The following STRBP variants were observed in gnomAD, a reference collection of about 807,000 sequenced individuals.
STRBP encodes spermatid perinuclear RNA-binding protein.
In STRBP, 13 loss-of-function variants were observed where a neutral mutation model predicts 80.1. That is an observed-to-expected ratio of 0.16 (90% confidence interval 0.11 to 0.26). The LOEUF (loss-of-function observed/expected upper bound fraction) is 0.26, where lower values mean the gene tolerates loss of function less well. Among genes scored for constraint, STRBP ranks in the 10% least tolerant of loss-of-function variants. STRBP has a pLI of 1.00. For missense variants in STRBP, 485 were observed against 815.2 expected (o/e 0.59, Z 4.93); for synonymous variants, 284 against 291.2 (o/e 0.98, Z 0.25).
rs2041328968 is a variant in STRBP at position 123,268,476 on chromosome 9, G to A, written c.-342C>T. 6.2e-6 allele frequency: 1 copy of A among 162,036 alleles called. No individual in the cohort carries two copies. Among genetic ancestry groups the A allele is most frequent in the Non-Finnish European group, 1.3e-5 (1 of 76,322 alleles). 10.0% of individuals were successfully genotyped at this position (162,036 alleles called of 1,614,324 possible). On this transcript the variant is annotated 5_prime_UTR_variant, in exon 1 of 19. Coordinates refer to ENST00000348403, the MANE Select transcript of STRBP (RefSeq NM_018387.5). Reference sequence around the variant, plus strand: ...CTGCCCGCGCCCGGTACCCGCTCCCGCTCCGCCGCCGCCGCCACCTCGCCC... The same window carrying A: ...CTGCCCGCGCCCGGTACCCGCTCCCACTCCGCCGCCGCCGCCACCTCGCCC...
chr9:123,245,866 T>C (rs1319125281), intron 1 of STRBP, among the ~76,000 whole-genome samples: 2 of 152,174 alleles, frequency 1.3e-5, no homozygotes, highest in African/African-American at 4.8e-5. Flanking sequence ...ACAAAAATTA[T>C]CCCACTGATA....
chr9:123,197,656 G>A (rs1300701085), intron 2 of STRBP, among the ~76,000 whole-genome samples: 1 of 135,502 alleles, frequency 7.4e-6, no homozygotes, highest in African/African-American at 2.7e-5. Flanking sequence ...AAGTTGCTGT[G>A]AAACATATTT....
At chr9:123,262,468 C>T (rs1009749549) in intron 1 of STRBP, among the ~76,000 whole-genome samples, 8 of 152,208 alleles carry the variant, frequency 5.3e-5, no homozygotes, top group Non-Finnish European at 1.2e-4. Context: ...TAAGAAACAT[C>T]TTACCCATGA....
intron 2 of STRBP, among the ~76,000 whole-genome samples, chr9:123,217,709 T>C (rs1412871266): frequency 6.6e-6 from 1 of 152,252 alleles, no homozygotes; most frequent in Admixed American, 6.5e-5. Context: ...TTTGATATAA[T>C]GCTGAACTAT....
At chr9:123,214,185 A>C (rs1439395583) in intron 2 of STRBP, among the ~76,000 whole-genome samples, 1 of 140,906 alleles carries the variant, frequency 7.1e-6, no homozygotes, top group Non-Finnish European at 1.5e-5. Context: ...CACACACACA[A>C]AATGGAACAG....
At chr9:123,147,752 T>C (rs992265727) in intron 12 of STRBP, 26 bp downstream of exon 12, 2 of 1,557,154 alleles carry the variant, frequency 1.3e-6, no homozygotes, top group Non-Finnish European at 1.8e-6. Flanking sequence ...CTAGTTTGCA[T>C]CTATAAGAAT....
intron 1 of STRBP, among the ~76,000 whole-genome samples, chr9:123,258,611 G>A (rs919609098): frequency 2.0e-5 from 3 of 152,106 alleles, no homozygotes; most frequent in African/African-American, 7.2e-5. Flanking sequence ...AGACCATCCT[G>A]GCTAACACAG....
intron 2 of STRBP, among the ~76,000 whole-genome samples, chr9:123,233,909 T>G (rs1207170876): frequency 1.3e-5 from 2 of 152,158 alleles, no homozygotes; most frequent in South Asian, 2.1e-4. Context: ...ACAATTAAAA[T>G]GTAAAACTAG....
chr9:123,238,585 G>A (rs1392762833), intron 1 of STRBP, among the ~76,000 whole-genome samples: 2 of 152,128 alleles, frequency 1.3e-5, no homozygotes, highest in African/African-American at 4.8e-5. Context: ...ATTTCAGCAC[G>A]GACTGTACAG....
chr9:123,244,319 C>A (rs1405539789), intron 1 of STRBP, among the ~76,000 whole-genome samples: 1 of 152,106 alleles, frequency 6.6e-6, no homozygotes, highest in African/African-American at 2.4e-5. Flanking sequence ...GAGGGCTGAA[C>A]AGGTAGAGAA....
chr9:123,222,089 G>A (rs1269711983), intron 2 of STRBP, among the ~76,000 whole-genome samples: 6 of 151,430 alleles, frequency 4.0e-5, no homozygotes, highest in Admixed American at 6.6e-5. Context: ...AGAAGATTTC[G>A]CTTTTCTCTC....
chr9:123,152,578 T>A (rs1017559041), intron 11 of STRBP, among the ~76,000 whole-genome samples: 2 of 151,814 alleles, frequency 1.3e-5, no homozygotes, highest in Non-Finnish European at 2.9e-5. Context: ...ACACAACAAC[T>A]TGGATGGACC....
At chr9:123,117,212 TGGGATTCAAA>T (rs2035660465), downstream of STRBP, among the ~76,000 whole-genome samples, 2 of 152,180 alleles carry the variant, frequency 1.3e-5, no homozygotes, top group Non-Finnish European at 2.9e-5. Flanking sequence ...CACGACAGCC[TGGGATTCAAA>T]GGTTCCTTTT....
At chr9:123,209,735 C>A (rs557781492) in intron 2 of STRBP, among the ~76,000 whole-genome samples, 34 of 152,164 alleles carry the variant, frequency 2.2e-4, no homozygotes, top group Admixed American at 1.8e-3. Flanking sequence ...ATTTACCATA[C>A]AATGTTGATA....
At chr9:123,139,370 A>C (rs1238445943) in intron 14 of STRBP, among the ~76,000 whole-genome samples, 159 bp downstream of exon 14, 2 of 152,228 alleles carry the variant, frequency 1.3e-5, no homozygotes, top group African/African-American at 4.8e-5. Flanking sequence ...CATGAAAAAA[A>C]CTGGATGGAA....
At chr9:123,215,332 T>C (rs543327717) in intron 2 of STRBP, among the ~76,000 whole-genome samples, 18 of 152,238 alleles carry the variant, frequency 1.2e-4, no homozygotes, top group African/African-American at 4.1e-4. Flanking sequence ...TCTGGGATTA[T>C]AGGCATGAGC....
intron 11 of STRBP, 57 bp from the exon 12 acceptor site, chr9:123,147,927 C>A: frequency 7.1e-7 from 1 of 1,409,730 alleles, no homozygotes; most frequent in Non-Finnish European, 9.8e-7. Flanking sequence ...CCTTACCGTA[C>A]CATATGTATC....
chr9:123,152,903 T>C (rs1276100837), intron 11 of STRBP, among the ~76,000 whole-genome samples: 1 of 152,192 alleles, frequency 6.6e-6, no homozygotes, highest in African/African-American at 2.4e-5. Context: ...GGTTTTGATA[T>C]TGTACTATAA....
chr9:123,115,128 C>T lies in STRBP; in HGVS notation c.*84+801G>A. On this transcript the variant is annotated intron_variant and NMD_transcript_variant, in intron 3 of 3. Coordinates refer to the STRBP transcript ENST00000471564. This position sits in a 1 kb window ranked among gnomAD's most constrained non-coding sequence, Gnocchi z 5.0. ...AGAAGTGACTGCAGACTGTGTGTCC[C>T]ACCTGCCACTTGACTCTGCTCATCC... The T allele has an allele frequency of 2.2e-6, 1 of 446,568 alleles. No individual in the cohort carries two copies. Among genetic ancestry groups the T allele is most frequent in the Admixed American group, 2.4e-5 (1 of 41,248 alleles). The allele number at this position is 446,568 out of a possible 1,614,324, so 27.7% of individuals were successfully genotyped here.
Sources: allele counts gnomAD v4.1 joint callset (sites outside exome capture counted in the v4.1 genomes callset), GRCh38; gene constraint gnomAD v4.1.1; non-coding constraint Gnocchi (gnomAD v3.1); transcripts MANE v1.5; gene names NCBI Gene and HGNC (gene_info 2026-07-23, HGNC 2026-07-21).